The following PTPRG variants were observed in gnomAD, a reference collection of about 807,000 sequenced individuals.
PTPRG encodes receptor-type tyrosine-protein phosphatase gamma.
Under a neutral mutation model 165.3 loss-of-function variants are expected in PTPRG, and 102 were observed. That is an observed-to-expected ratio of 0.62 (90% confidence interval 0.53 to 0.73). PTPRG has a LOEUF of 0.73. Ranked by LOEUF, PTPRG falls within the 30% of genes least tolerant of loss-of-function variation. The pLI, the probability that PTPRG is intolerant of heterozygous loss-of-function variation, is 0.00. For synonymous variants in PTPRG, 675 were observed against 669.5 expected, an observed-to-expected ratio of 1.01 and a Z score of -0.13; for missense variants, 1,866 against 1,861.4, an observed-to-expected ratio of 1.00 and a Z score of -0.05.
chr3:61,823,703 C>A (rs886722755), intron 2 of PTPRG, among the ~76,000 whole-genome samples: 3 of 152,146 alleles, frequency 2.0e-5, no homozygotes, highest in Non-Finnish European at 4.4e-5. Flanking sequence ...ACAACTTGTT[C>A]TTCATGGAGT....
At chr3:61,983,686 T>A (rs1206904690) in intron 2 of PTPRG, among the ~76,000 whole-genome samples, 1 of 152,150 alleles carries the variant, frequency 6.6e-6, no homozygotes, top group Non-Finnish European at 1.5e-5. Flanking sequence ...GTGAAATTCC[T>A]TGCTTTTAGA....
chr3:61,760,968 T>C (rs2033815498), intron 2 of PTPRG, among the ~76,000 whole-genome samples: 1 of 152,216 alleles, frequency 6.6e-6, no homozygotes, highest in African/African-American at 2.4e-5. Flanking sequence ...TACTCCATGA[T>C]GTATTTGTAC....
intron 2 of PTPRG, among the ~76,000 whole-genome samples, chr3:61,918,312 T>G (rs527382207): frequency 1.3e-5 from 2 of 152,118 alleles, no homozygotes; most frequent in Non-Finnish European, 2.9e-5. Context: ...ACATTTATAC[T>G]CATCAGGCTT....
intron 5 of PTPRG, among the ~76,000 whole-genome samples, chr3:62,112,834 G>A (rs533586190): frequency 1.3e-5 from 2 of 152,282 alleles, no homozygotes; most frequent in South Asian, 4.1e-4. Flanking sequence ...AAGAAAAACA[G>A]CAACTCAAAC....
At chr3:61,970,870 A>G (rs2040366248) in intron 2 of PTPRG, among the ~76,000 whole-genome samples, 1 of 152,192 alleles carries the variant, frequency 6.6e-6, no homozygotes, top group African/African-American at 2.4e-5. Flanking sequence ...CACCATCTAA[A>G]ATCCTGAGTT....
intron 5 of PTPRG, chr3:62,124,317 C>T: frequency 1.2e-6 from 2 of 1,608,784 alleles, no homozygotes; most frequent in Non-Finnish European, 1.7e-6. Flanking sequence ...ATCCTGGATG[C>T]CTGGTTCTGC....
intron 2 of PTPRG, among the ~76,000 whole-genome samples, chr3:61,909,464 G>A (rs528610647): frequency 2.0e-5 from 3 of 152,126 alleles, no homozygotes; most frequent in South Asian, 4.1e-4. Context: ...ATCCTCCCAC[G>A]TCAGTCCCCC....
chr3:61,790,131 G>A (rs2034826947), intron 2 of PTPRG, among the ~76,000 whole-genome samples: 1 of 152,198 alleles, frequency 6.6e-6, no homozygotes, highest in African/African-American at 2.4e-5. Flanking sequence ...AGCCGTGTCT[G>A]TCATGGGCAG....
intron 5 of PTPRG, among the ~76,000 whole-genome samples, chr3:62,130,001 A>C (rs1196931899): frequency 2.6e-5 from 4 of 152,230 alleles, no homozygotes; most frequent in Non-Finnish European, 5.9e-5. Context: ...TTACCTTTGC[A>C]TACAACTCAT....
chr3:62,225,522 T>C (rs1018130771), intron 13 of PTPRG, among the ~76,000 whole-genome samples: 5 of 152,060 alleles, frequency 3.3e-5, no homozygotes, highest in African/African-American at 1.2e-4. Context: ...AGTTTTGTTT[T>C]TTTTTTTTCT....
chr3:61,942,609 T>C (rs1368766866), intron 2 of PTPRG, among the ~76,000 whole-genome samples: 1 of 152,210 alleles, frequency 6.6e-6, no homozygotes, highest in African/African-American at 2.4e-5. Flanking sequence ...ATGAATTCAC[T>C]TTTTTTAAGA....
intron 2 of PTPRG, among the ~76,000 whole-genome samples, chr3:61,759,979 G>A (rs13314533): frequency 0.039 from 5,881 of 151,976 alleles, 366 homozygotes; most frequent in African/African-American, 0.13. Flanking sequence ...CTTCATGTCT[G>A]GCAAGCCATG....
chr3:61,859,482 A>G (rs1011858206), intron 2 of PTPRG, among the ~76,000 whole-genome samples: 2 of 152,098 alleles, frequency 1.3e-5, no homozygotes, highest in Admixed American at 6.6e-5. Context: ...TCTTCCCCCT[A>G]TGCCTCTGTC....
intron 10 of PTPRG, among the ~76,000 whole-genome samples, chr3:62,197,208 G>A (rs1699987534): frequency 6.6e-6 from 1 of 152,132 alleles, no homozygotes; most frequent in South Asian, 2.1e-4. Flanking sequence ...ACCCCATAGG[G>A]TCTTTGTAGA....
At chr3:62,090,145 CAAT>C (rs1465590395) in intron 5 of PTPRG, among the ~76,000 whole-genome samples, 1 of 152,176 alleles carries the variant, frequency 6.6e-6, no homozygotes, top group Non-Finnish European at 1.5e-5. Context: ...GCATATGAAA[CAAT>C]ACTCAATTCT....
chr3:61,792,368 T>C (rs1336729523), intron 2 of PTPRG, among the ~76,000 whole-genome samples: 1 of 151,836 alleles, frequency 6.6e-6, no homozygotes, highest in Non-Finnish European at 1.5e-5. Context: ...GGACTGCAGG[T>C]GTGCGCCACC....
At chr3:62,246,183 G>C (rs1204219191) in intron 15 of PTPRG, among the ~76,000 whole-genome samples, 1 of 152,128 alleles carries the variant, frequency 6.6e-6, no homozygotes, top group African/African-American at 2.4e-5. Flanking sequence ...TTGTACCTCA[G>C]TTGGCAAGGT....
At chr3:61,946,504 G>A (rs2039764420) in intron 2 of PTPRG, among the ~76,000 whole-genome samples, 1 of 152,190 alleles carries the variant, frequency 6.6e-6, no homozygotes. Flanking sequence ...CTGTGGGCCT[G>A]TTTGATAGTG....
intron 2 of PTPRG, among the ~76,000 whole-genome samples, chr3:61,978,710 T>C (rs563486312): frequency 5.3e-5 from 8 of 152,328 alleles, no homozygotes; most frequent in African/African-American, 1.9e-4. Flanking sequence ...AAACAGTTTC[T>C]GTAAGGGCAG....
Sources: gnomAD v4.1 joint callset for allele counts (sites outside exome capture counted in the v4.1 genomes callset) on GRCh38, gnomAD v4.1.1 for gene constraint, MANE v1.5 for transcripts, NCBI Gene and HGNC (gene_info 2026-07-23, HGNC 2026-07-21) for gene names.